The following DPP10 variants were observed in gnomAD, a reference collection of about 807,000 sequenced individuals.
DPP10 encodes inactive dipeptidyl peptidase 10.
In DPP10, 33 loss-of-function variants were observed where a neutral mutation model predicts 120.9. The observed-to-expected ratio is 0.27, with a 90% CI of 0.21 to 0.37. The LOEUF is 0.37. Ranked by LOEUF, DPP10 falls within the 10% of genes least tolerant of loss-of-function variation. The pLI, the probability that DPP10 is intolerant of heterozygous loss-of-function variation, is 1.00. For synonymous variants in DPP10, 337 were observed against 326.1 expected (o/e 1.03, Z -0.36); for missense variants, 816 against 942.8 (o/e 0.87, Z 1.76).
At chr2:115,027,926 C>T (rs1703578879) in intron 1 of DPP10, among the ~76,000 whole-genome samples, 1 of 151,838 alleles carries the variant, frequency 6.6e-6, no homozygotes. Context: ...TCTAACGATT[C>T]TTTGTATTTC....
At chr2:115,238,636 G>A (rs748534498) in intron 1 of DPP10, among the ~76,000 whole-genome samples, 3 of 152,052 alleles carry the variant, frequency 2.0e-5, no homozygotes, top group Non-Finnish European at 4.4e-5. Context: ...CTGAATTGCT[G>A]TACTCTCATG....
chr2:114,508,949 G>T (rs1050283641), intron 1 of DPP10, among the ~76,000 whole-genome samples: 11 of 152,042 alleles, frequency 7.2e-5, no homozygotes, highest in Non-Finnish European at 1.5e-4. Flanking sequence ...GCTAGGATGG[G>T]CAATTTGAGT....
At chr2:115,453,447 ATG>A (rs2073283613) in intron 3 of DPP10, among the ~76,000 whole-genome samples, 1 of 151,568 alleles carries the variant, frequency 6.6e-6, no homozygotes, top group South Asian at 2.1e-4. Flanking sequence ...TTCCTTATGA[ATG>A]AGAATATTTT....
At chr2:115,830,153 C>T (rs1688770109) in intron 21 of DPP10, among the ~76,000 whole-genome samples, 2 of 151,710 alleles carry the variant, frequency 1.3e-5, no homozygotes, top group African/African-American at 2.4e-5. Flanking sequence ...GTCAGGAGTT[C>T]GAGAACAGCC....
intron 1 of DPP10, among the ~76,000 whole-genome samples, chr2:115,088,472 G>A (rs772292383): frequency 6.6e-6 from 1 of 151,312 alleles, no homozygotes. Flanking sequence ...TTTGAGAGAC[G>A]GGGTCTTGCT....
At chr2:115,125,142 T>C (rs2050010487) in intron 1 of DPP10, among the ~76,000 whole-genome samples, 1 of 152,186 alleles carries the variant, frequency 6.6e-6, no homozygotes, top group Non-Finnish European at 1.5e-5. Context: ...AAGTTGTGCA[T>C]TGCTGAAAGG....
chr2:115,247,731 G>T (rs1317556791), intron 1 of DPP10, among the ~76,000 whole-genome samples: 2 of 152,034 alleles, frequency 1.3e-5, no homozygotes, highest in Non-Finnish European at 2.9e-5. Flanking sequence ...TAAAAACAAA[G>T]AAACAGAAAT....
intron 4 of DPP10, among the ~76,000 whole-genome samples, chr2:115,512,350 T>G (rs1466570079): frequency 2.6e-5 from 4 of 152,038 alleles, no homozygotes; most frequent in African/African-American, 9.7e-5. Context: ...TCCTCCCACC[T>G]AGGCCTCCCA....
At chr2:115,270,066 TCACACACACACACACACACACA>T (rs57649162) in intron 1 of DPP10, among the ~76,000 whole-genome samples, 5 of 130,722 alleles carry the variant, frequency 3.8e-5, no homozygotes, top group East Asian at 4.5e-4. Flanking sequence ...TAGGTATACT[TCACACACACACACACACACACA>T]CACACACACA....
intron 1 of DPP10, among the ~76,000 whole-genome samples, chr2:114,499,723 A>C (rs17048451): frequency 0.048 from 7,276 of 152,252 alleles, 252 homozygotes; most frequent in African/African-American, 0.093. Context: ...AAGTAGATTA[A>C]AACAGGGTAG....
intron 1 of DPP10, among the ~76,000 whole-genome samples, chr2:115,003,160 A>G (rs1252278677): frequency 7.0e-6 from 1 of 142,238 alleles, no homozygotes; most frequent in Non-Finnish European, 1.5e-5. Flanking sequence ...GTACACATAC[A>G]TATACTATGT....
chr2:115,412,501 T>C (rs552374560), intron 3 of DPP10, among the ~76,000 whole-genome samples: 18 of 152,200 alleles, frequency 1.2e-4, no homozygotes, highest in African/African-American at 4.1e-4. Flanking sequence ...CATCGAAATT[T>C]AAATTTGTTG....
chr2:114,980,748 C>A (rs891482247), intron 1 of DPP10, among the ~76,000 whole-genome samples: 4 of 151,986 alleles, frequency 2.6e-5, no homozygotes, highest in African/African-American at 9.7e-5. Flanking sequence ...AATGATACCT[C>A]CCAGAGCGCT....
intron 1 of DPP10, among the ~76,000 whole-genome samples, chr2:114,816,260 A>G (rs1359745353): frequency 6.6e-6 from 1 of 152,220 alleles, no homozygotes; most frequent in Non-Finnish European, 1.5e-5. Context: ...AAGGCCAGAT[A>G]GTAAATAGTT....
At chr2:115,476,288 C>G (rs899395616) in intron 3 of DPP10, among the ~76,000 whole-genome samples, 3 of 152,052 alleles carry the variant, frequency 2.0e-5, no homozygotes, top group Non-Finnish European at 4.4e-5. Context: ...CGTGTGGTAC[C>G]TCTCCACTTT....
intron 2 of DPP10, among the ~76,000 whole-genome samples, chr2:115,337,661 TAAAAAAA>T (rs11458121): frequency 7.0e-5 from 5 of 71,688 alleles, no homozygotes; most frequent in African/African-American, 2.8e-4. Flanking sequence ...AGGCTGCTCA[TAAAAAAA>T]AAAAAAAAAA....
Position 114,579,521 on chromosome 2 carries a change from G to A in DPP10, c.60+136683G>A, listed in dbSNP as rs187159395. Among the ~76,000 whole-genome samples, 6 of 152,262 alleles carry A rather than the reference G, an allele frequency of 3.9e-5. No individual in the cohort carries two copies. In the East Asian group the frequency reaches 7.7e-4, roughly 20 times the overall value. On this transcript the variant is annotated intron_variant, in intron 1 of 25. Coordinates refer to ENST00000410059, the MANE Select transcript of DPP10 (RefSeq NM_020868.6). ...AGAAATAAGTACCTTGACATTTTCA[G>A]CCCCTAAGAGAACCTTTTACCCCCT... is the stretch of plus-strand genomic sequence containing the variant.
At chr2:114,889,552 A>G (rs941312237) in intron 1 of DPP10, among the ~76,000 whole-genome samples, 1 of 152,062 alleles carries the variant, frequency 6.6e-6, no homozygotes, top group African/African-American at 2.4e-5. Context: ...TGTACCAACA[A>G]CACTTTTAAA....
At chr2:115,584,003 G>T (rs917669832) in intron 5 of DPP10, among the ~76,000 whole-genome samples, 1 of 152,038 alleles carries the variant, frequency 6.6e-6, no homozygotes, top group Admixed American at 6.6e-5. Context: ...TTGAGGTGAA[G>T]GTTCTGGCAA....
Sources: allele counts gnomAD v4.1 joint callset (sites outside exome capture counted in the v4.1 genomes callset), GRCh38; gene constraint gnomAD v4.1.1; transcripts MANE v1.5; gene names NCBI Gene and HGNC (gene_info 2026-07-23, HGNC 2026-07-21).